Variants in SNX9 observed in about 807,000 individuals in gnomAD.
The protein encoded by SNX9 is sorting nexin-9.
A neutral mutation model predicts 89.4 loss-of-function variants in SNX9; 44 were observed. The ratio of observed to expected loss-of-function variants is 0.49; its 90% CI spans 0.39 to 0.63. The LOEUF is 0.63. Ranked by LOEUF, SNX9 falls within the 30% of genes least tolerant of loss-of-function variation. The pLI is 0.00. For missense variants in SNX9, 578 were observed against 736.1 expected, an observed-to-expected ratio of 0.79 and a Z score of 2.49; for synonymous variants, 236 against 247.8, an observed-to-expected ratio of 0.95 and a Z score of 0.45.
intron 5 of SNX9, among the ~76,000 whole-genome samples, chr6:157,900,547 A>G (rs896883021): frequency 6.6e-6 from 1 of 152,156 alleles, no homozygotes; most frequent in African/African-American, 2.4e-5. Context: ...CTGGTCCTGC[A>G]GTGCCAACAA....
rs1029357036 is a variant in SNX9 at position 157,823,834 on chromosome 6, C to T, written c.12+388C>T. Among the ~76,000 whole-genome samples the T allele has an allele frequency of 6.6e-6, 1 of 151,994 alleles. No individual in the cohort carries two copies. Among genetic ancestry groups the T allele is most frequent in the Non-Finnish European group, 1.5e-5 (1 of 67,956 alleles). On this transcript the variant is annotated intron_variant, in intron 1 of 17. Coordinates refer to ENST00000392185, the MANE Select transcript of SNX9 (RefSeq NM_016224.5). This position sits in a 1 kb window ranked among gnomAD's most constrained non-coding sequence, Gnocchi z 4.6. ...TGGCGCTCTGTGGCGTCCGGCGTCC[C>T]CGCCGCCCCCACGTCCCCTCCCGCT...
At chr6:157,834,159 T>G (rs1040244887) in intron 1 of SNX9, among the ~76,000 whole-genome samples, 6 of 96,770 alleles carry the variant, frequency 6.2e-5, no homozygotes, top group Non-Finnish European at 1.2e-4. Flanking sequence ...GGTTTTTTTT[T>G]TTTTTTTTTT....
chr6:157,863,822 T>G (rs1782196277), intron 1 of SNX9, among the ~76,000 whole-genome samples: 1 of 152,228 alleles, frequency 6.6e-6, no homozygotes, highest in Non-Finnish European at 1.5e-5. Flanking sequence ...TTCAGTTTAA[T>G]TGAAGCTTTA....
rs949599107 is a variant in SNX9 at position 157,943,894 on chromosome 6, T to G, written c.*1056T>G. 3.9e-5 allele frequency: 6 copies of G among 152,032 alleles called. No individual in the cohort carries two copies. Among genetic ancestry groups the G allele is most frequent in the Non-Finnish European group, 7.3e-5 (5 of 68,132 alleles). The allele number at this position is 152,032 out of a possible 1,614,324, so 9.4% of individuals were successfully genotyped here. ...GCAAAGAGAAAAAGCACAGGTTAGC[T>G]CCCCATTAGATGGAAAAGTGTAGGG... On this transcript the variant is annotated 3_prime_UTR_variant, in exon 18 of 18. Coordinates refer to ENST00000392185, the MANE Select transcript of SNX9 (RefSeq NM_016224.5).
At chr6:157,870,028 C>T (rs951395282) in intron 2 of SNX9, among the ~76,000 whole-genome samples, 13 of 152,082 alleles carry the variant, frequency 8.5e-5, no homozygotes, top group African/African-American at 2.7e-4. Flanking sequence ...CGCATGCTCA[C>T]ACACATAGGC....
intron 9 of SNX9, among the ~76,000 whole-genome samples, chr6:157,919,048 G>A (rs184179426): frequency 6.1e-4 from 92 of 151,988 alleles, no homozygotes; most frequent in Middle Eastern, 3.4e-3. Context: ...TTATATTTCC[G>A]GTGCTGCTTA....
chr6:157,834,786 A>G (rs1554291182), intron 1 of SNX9, among the ~76,000 whole-genome samples: 3 of 152,272 alleles, frequency 2.0e-5, no homozygotes, highest in South Asian at 2.1e-4. Flanking sequence ...CTGGAGGTCC[A>G]TGCCAACTGA....
chr6:157,931,701 T>C (rs1456749865), intron 12 of SNX9, among the ~76,000 whole-genome samples: 1 of 152,206 alleles, frequency 6.6e-6, no homozygotes, highest in African/African-American at 2.4e-5. Flanking sequence ...TTGCAAATGG[T>C]CATTTATGCA....
At chr6:157,827,521 T>TTTATATAATATATAAACATATA (rs1781398305) in intron 1 of SNX9, among the ~76,000 whole-genome samples, 1 of 39,794 alleles carries the variant, frequency 2.5e-5, no homozygotes, top group Non-Finnish European at 3.8e-5. Context: ...AAACATATAG[T>TTTATATAATATATAAACATATA]TTATATAATA....
chr6:157,877,399 T>C (rs1252095159), intron 4 of SNX9, among the ~76,000 whole-genome samples: 1 of 152,214 alleles, frequency 6.6e-6, no homozygotes, highest in Non-Finnish European at 1.5e-5. Flanking sequence ...TTTGAGCATT[T>C]GAATTTAATG....
chr6:157,870,767 T>C (rs1782389118), intron 2 of SNX9, among the ~76,000 whole-genome samples: 1 of 146,572 alleles, frequency 6.8e-6, no homozygotes, highest in South Asian at 2.2e-4. Flanking sequence ...ACTCACCTGC[T>C]CTCACACATA....
chr6:157,917,086 A>AT (rs1319070302), intron 9 of SNX9, among the ~76,000 whole-genome samples: 1 of 152,176 alleles, frequency 6.6e-6, no homozygotes, highest in Admixed American at 6.5e-5. Context: ...CTTCATAGCT[A>AT]TAGGACTATT....
At chr6:157,910,088 C>A in intron 9 of SNX9, 63 bp downstream of exon 9, 1 of 1,324,886 alleles carries the variant, frequency 7.5e-7, no homozygotes, top group Non-Finnish European at 1.1e-6. Context: ...GATTATCTTC[C>A]TGTAAGTCAG....
At chr6:157,939,405 T>C (rs964773324) in intron 16 of SNX9, among the ~76,000 whole-genome samples, 4 of 148,214 alleles carry the variant, frequency 2.7e-5, no homozygotes, top group African/African-American at 7.8e-5. Context: ...ATGCAGGCAT[T>C]AAGAAGCCAT....
rs1226853497 is a variant in SNX9, at chr6:157,823,368, G to T, written c.-67G>T. The stretch of plus-strand genomic sequence containing the variant: ...CCCTCGCCCTTGCCTTTGCCTGCGC[G>T]GCTCAGAATCACCATCCGCGGCGCG... On this transcript the variant is annotated 5_prime_UTR_variant, in exon 1 of 18. Coordinates refer to ENST00000392185, the MANE Select transcript of SNX9 (RefSeq NM_016224.5). This position sits in a 1 kb window ranked among gnomAD's most constrained non-coding sequence, Gnocchi z 4.6. 5 of 1,261,310 alleles carry T rather than the reference G, an allele frequency of 4.0e-6. No individual in the cohort carries two copies. The highest frequency in any genetic ancestry group is 1.0e-6 in the Non-Finnish European group (1 of 995,052). 78.1% of individuals were successfully genotyped at this position (1,261,310 alleles called of 1,614,324 possible).
chr6:157,919,343 A>G (rs767610353), intron 9 of SNX9, among the ~76,000 whole-genome samples: 7 of 152,228 alleles, frequency 4.6e-5, no homozygotes, highest in Non-Finnish European at 1.0e-4. Flanking sequence ...GATTCTCATT[A>G]CAAGTGTTTG....
intron 9 of SNX9, 58 bp from the exon 10 acceptor site, chr6:157,921,473 G>T: frequency 6.3e-7 from 1 of 1,575,886 alleles, no homozygotes; most frequent in South Asian, 1.1e-5. Context: ...GTTACAGTAT[G>T]GTAACAGTCA....
At chr6:157,921,421 G>C in intron 9 of SNX9, 110 bp from the exon 10 acceptor site, 3 of 1,123,996 alleles carry the variant, frequency 2.7e-6, no homozygotes, top group Non-Finnish European at 3.7e-6. Context: ...TTGCTAAATA[G>C]CTTTCTACCC....
chr6:157,839,449 T>C (rs1427711251), intron 1 of SNX9, among the ~76,000 whole-genome samples: 7 of 152,236 alleles, frequency 4.6e-5, no homozygotes, highest in African/African-American at 1.7e-4. Context: ...ATTAGGAGCC[T>C]GGGTTCAAAT....
Sources: gnomAD v4.1 joint callset for allele counts (sites outside exome capture counted in the v4.1 genomes callset) on GRCh38, gnomAD v4.1.1 for gene constraint, Gnocchi (gnomAD v3.1) non-coding constraint, MANE v1.5 for transcripts, NCBI Gene and HGNC (gene_info 2026-07-23, HGNC 2026-07-21) for gene names.